TAF1: variants seen among roughly 807,000 people sequenced by gnomAD.
TAF1 encodes TATA-box binding protein associated factor 1, also known as transcription initiation factor TFIID subunit 1.
Under a neutral mutation model 138.5 loss-of-function variants are expected in TAF1, and 2 were observed. That is an observed-to-expected ratio of 0.01 (90% CI 0.01 to 0.05). The LOEUF is 0.05. TAF1 is among the 10% of genes least tolerant of loss of function. The probability of loss-of-function intolerance (pLI) is 1.00; values close to 1 mark genes in which losing one functional copy is unlikely to be tolerated. For synonymous variants in TAF1, 437 were observed against 503.2 expected (o/e 0.87, Z 1.76); for missense variants, 709 against 1,478.0 (o/e 0.48, Z 8.53).
intron 6 of TAF1, 108 bp from the exon 7 acceptor site, chrX:71,378,127 A>G (rs1241579273): frequency 1.2e-6 from 1 of 800,488 alleles, no homozygotes; most frequent in African/African-American, 2.1e-5. Context: ...CTCCAGGTAA[A>G]TCATCCTCAG....
chrX:71,423,263 C>T, intron 30 of TAF1, 24 bp downstream of exon 30: 3 of 1,204,133 alleles, frequency 2.5e-6, no homozygotes, highest in East Asian at 3.0e-5. Context: ...GTGCCAAATA[C>T]TGTGAGGATC....
At chrX:71,492,101 G>GTT in intron 13 of TAF1, 1 of 114,531 alleles carries the variant, frequency 8.7e-6, no homozygotes. Flanking sequence ...TATAAGCCCT[G>GTT]TTTTTTTTCT....
chrX:71,471,647 A>C (rs1310848814), intron 13 of TAF1, among the ~76,000 whole-genome samples: 1 of 110,218 alleles, frequency 9.1e-6, no homozygotes, highest in Non-Finnish European at 1.9e-5. Flanking sequence ...AGGCACAAAC[A>C]AAGCAAGGAA....
At chrX:71,388,913 GTT>G (rs765645687) in intron 17 of TAF1, 45 bp downstream of exon 17, 4 of 970,071 alleles carry the variant, frequency 4.1e-6, no homozygotes, top group Admixed American at 3.3e-5. Context: ...GTGGTTTTTT[GTT>G]TTTTTTTTTC....
intron 30 of TAF1, among the ~76,000 whole-genome samples, chrX:71,423,682 T>C (rs187439379): frequency 7.5e-4 from 84 of 112,048 alleles, no homozygotes; most frequent in African/African-American, 2.6e-3. Context: ...CCTTTTGTAC[T>C]ATAGGAATGT....
chrX:71,528,712 C>T (rs771528354), exon 14 of TAF1: 27 of 328,335 alleles, frequency 8.2e-5, no homozygotes, highest in African/African-American at 6.4e-4. Context: ...AGAATGAAGC[C>T]GTGGACCTTC....
intron 28 of TAF1, chrX:71,420,165 C>T (rs1403402258): frequency 3.8e-6 from 2 of 529,580 alleles, no homozygotes; most frequent in East Asian, 3.7e-5. Context: ...ACTGTGGAAT[C>T]GAGAGAGGGA....
intron 13 of TAF1, among the ~76,000 whole-genome samples, chrX:71,493,331 C>T (rs866851909): frequency 8.9e-6 from 1 of 112,144 alleles, no homozygotes; most frequent in African/African-American, 3.2e-5. Context: ...TTAAAACTCA[C>T]GTGATCTGAT....
chrX:71,428,076 C>T (rs1182509450), intron 32 of TAF1, among the ~76,000 whole-genome samples: 3 of 88,632 alleles, frequency 3.4e-5, no homozygotes, highest in Admixed American at 1.4e-4. Flanking sequence ...AGTGCAGTGG[C>T]GCGATCTTGG....
intron 32 of TAF1, among the ~76,000 whole-genome samples, chrX:71,447,372 A>C (rs760449863): frequency 3.6e-5 from 4 of 111,011 alleles, no homozygotes; most frequent in Non-Finnish European, 7.5e-5. Context: ...GTGCTTGCCA[A>C]CTTGACTGGT....
At chrX:71,409,197 T>C (rs1250213373) in intron 28 of TAF1, among the ~76,000 whole-genome samples, 1 of 110,326 alleles carries the variant, frequency 9.1e-6, no homozygotes, top group African/African-American at 3.3e-5. Flanking sequence ...TGTTTGTCTT[T>C]TTTTTTTTTC....
chrX:71,395,870 A>T (rs763269795), intron 22 of TAF1, among the ~76,000 whole-genome samples: 1 of 110,896 alleles, frequency 9.0e-6, no homozygotes, highest in Non-Finnish European at 1.9e-5. Flanking sequence ...TAGAACCTAC[A>T]TTTGCAGCCG....
At chrX:71,485,157 G>A (rs1051835267) in intron 13 of TAF1, among the ~76,000 whole-genome samples, 2 of 112,130 alleles carry the variant, frequency 1.8e-5, no homozygotes, top group African/African-American at 6.5e-5. Context: ...CTGATCCATG[G>A]AAACAGTGAG....
In TAF1 at chrX:71,464,641, G is replaced by A. The variant is rs1223170286; in HGVS notation, c.*595G>A. ...GAATTACTTGAACCCGGGAGGCAGA[G>A]GTTGCAGTGAGTGGAGGTCACGCCA... On this transcript the variant is annotated 3_prime_UTR_variant, in exon 38 of 38. Coordinates refer to ENST00000423759, the MANE Select transcript of TAF1 (RefSeq NM_004606.5). 6.6e-6 allele frequency: 1 copy of A among 151,389 alleles called. No individual in the cohort carries two copies. The highest frequency in any genetic ancestry group is 3.1e-5 in the African/African-American group (1 of 32,191). 12.5% of individuals were successfully genotyped at this position (151,389 alleles called of 1,213,427 possible). A position where few individuals can be genotyped will look rare whatever the true frequency, so the allele number is the denominator to read the frequency against.
chrX:71,460,694 C>T lies in TAF1; in HGVS notation c.5290C>T (p.Arg1764Cys), dbSNP rs776093280. The T allele has an allele frequency of 8.3e-5, 100 of 1,209,170 alleles. 1 individual carries two copies. In the East Asian group the frequency reaches 2.3e-3, roughly 28 times the overall value. ...GSGGIRPKQP[R>C]MLQENTRMDM... ...TGGTGGAATAAGACCCAAACAACCC[C>T]GCATGCTTCAGGAGAACACAAGGAT... Residue 1764 changes from arginine (R) to cysteine (C), a missense_variant, in exon 37 of 38, where the codon CGC (arginine) becomes TGC (cysteine). Coordinates refer to ENST00000423759, the MANE Select transcript of TAF1 (RefSeq NM_004606.5).
chrX:71,368,206 G>A, intron 3 of TAF1, 36 bp downstream of exon 3: 1 of 1,173,955 alleles, frequency 8.5e-7, no homozygotes, highest in Non-Finnish European at 1.2e-6. Flanking sequence ...ACATTCCAGT[G>A]CATTATCCTG....
At chrX:71,508,669 A>G (rs2039677434) in intron 13 of TAF1, among the ~76,000 whole-genome samples, 1 of 107,669 alleles carries the variant, frequency 9.3e-6, no homozygotes, top group East Asian at 2.9e-4. Flanking sequence ...AAGGAAGGTC[A>G]TTTTAGGCAG....
chrX:71,480,574 A>G (rs774754944), intron 13 of TAF1, among the ~76,000 whole-genome samples: 23 of 112,288 alleles, frequency 2.0e-4, no homozygotes, highest in South Asian at 1.9e-3. Flanking sequence ...ATATTTATTA[A>G]GTGAATACTA....
intron 22 of TAF1, 71 bp downstream of exon 22, chrX:71,394,316 T>G (rs1342629952): frequency 9.2e-7 from 1 of 1,086,985 alleles, no homozygotes; most frequent in African/African-American, 1.9e-5. Flanking sequence ...AACTGCAGAC[T>G]GTAATTGAGG....
Sources: allele counts gnomAD v4.1 joint callset (sites outside exome capture counted in the v4.1 genomes callset), GRCh38; gene constraint gnomAD v4.1.1; transcripts MANE v1.5; gene names NCBI Gene and HGNC (gene_info 2026-07-23, HGNC 2026-07-21).